PFKP: variants seen among roughly 807,000 people sequenced by gnomAD.
PFKP encodes phosphofructokinase, platelet, also known as ATP-dependent 6-phosphofructokinase, platelet type.
PFKP carries 101 observed loss-of-function variants against 94.3 expected under a neutral mutation model. That is an observed-to-expected ratio of 1.07 (90% CI 0.91 to 1.26). The LOEUF is 1.26. Among genes scored for constraint, PFKP ranks in the 50% most tolerant of loss-of-function variants. PFKP has a pLI of 0.00. For missense variants in PFKP, 1,145 were observed against 1,103.3 expected (o/e 1.04, Z -0.53); for synonymous variants, 573 against 432.6 (o/e 1.32, Z -4.03).
intron 2 of PFKP, among the ~76,000 whole-genome samples, chr10:3,087,604 T>A (rs572177100): frequency 1.3e-5 from 2 of 152,226 alleles, no homozygotes; most frequent in Non-Finnish European, 2.9e-5. Flanking sequence ...CCTTCGAAGC[T>A]GTCTAGGAGC....
At chr10:3,118,692 G>A (rs1304794950) in intron 14 of PFKP, 90 bp from the exon 15 acceptor site, 3 of 826,976 alleles carry the variant, frequency 3.6e-6, no homozygotes, top group South Asian at 3.0e-5. Flanking sequence ...ACAGACTGGG[G>A]AAGGCGGCCG....
intron 1 of PFKP, among the ~76,000 whole-genome samples, chr10:3,072,303 C>G (rs1832256582): frequency 1.3e-5 from 2 of 152,226 alleles, no homozygotes; most frequent in African/African-American, 2.4e-5. Context: ...GTCAATGACA[C>G]ACATATTTAT....
Position 3,133,195 on chromosome 10 carries a change from C to A in PFKP, c.1911-8C>A. ...CTAAACAAAGTGACTCCTTCTCGCT[C>A]GTTTCAGAAATGAGAGCTGCAGTGA... On this transcript the variant is annotated splice_polypyrimidine_tract_variant and splice_region_variant and intron_variant, in intron 18 of 21. Coordinates refer to ENST00000381125, the MANE Select transcript of PFKP (RefSeq NM_002627.5). 2 of 1,606,314 alleles carry A rather than the reference C, an allele frequency of 1.2e-6. No individual in the cohort carries two copies. The highest frequency in any genetic ancestry group is 1.7e-6 in the Non-Finnish European group (2 of 1,172,986).
intron 3 of PFKP, 96 bp from the exon 4 acceptor site, chr10:3,101,269 A>G (rs746218277): frequency 5.8e-6 from 6 of 1,036,084 alleles, no homozygotes; most frequent in African/African-American, 1.6e-5. Context: ...AAAAATGTAA[A>G]TTCTAGCACC....
chr10:3,093,819 A>AT lies in PFKP; in HGVS notation c.187-5451dup, dbSNP rs1834257484. Among the ~76,000 whole-genome samples the AT allele has an allele frequency of 5.3e-5, 8 of 151,840 alleles. No homozygotes were observed. In the South Asian group the frequency reaches 1.7e-3, roughly 32 times the overall value. ...CCACCACACCCGGCTAATTTTTTGT[A>AT]TTTTTAGTAGAGGTGGGGTTTCACC... On this transcript the variant is annotated intron_variant, in intron 2 of 21. Transcript: ENST00000381125.
chr10:3,115,966 C>T (rs529266947), intron 13 of PFKP, among the ~76,000 whole-genome samples: 9 of 152,308 alleles, frequency 5.9e-5, no homozygotes, highest in Non-Finnish European at 8.8e-5. Context: ...CAGCAGGAAC[C>T]GGATGAGGAA....
At chr10:3,089,432 C>A (rs367710184) in intron 2 of PFKP, among the ~76,000 whole-genome samples, 1 of 151,956 alleles carries the variant, frequency 6.6e-6, no homozygotes, top group Non-Finnish European at 1.5e-5. Flanking sequence ...AGGTCTCTTT[C>A]TGCCGATTCC....
At chr10:3,112,138 G>A (rs1836297840) in intron 10 of PFKP, 84 bp from the exon 11 acceptor site, 5 of 1,116,370 alleles carry the variant, frequency 4.5e-6, no homozygotes, top group Non-Finnish European at 4.1e-6. Context: ...CTGGTGGGAA[G>A]GACCGAGCCA....
intron 5 of PFKP, 30 bp downstream of exon 5, chr10:3,103,974 C>T (rs1406277918): frequency 5.6e-6 from 9 of 1,604,692 alleles, no homozygotes; most frequent in African/African-American, 1.3e-5. Flanking sequence ...CGGCGGGAGG[C>T]CAGTGGGGCC....
At position 3,130,263 on chromosome 10, in the gene PFKP, T is replaced by C. The variant is rs2279213; in HGVS notation, c.1848+280T>C. Among the ~76,000 whole-genome samples the C allele has an allele frequency of 5.6e-3, 856 of 152,336 alleles. 5 individuals are homozygous for C. Among genetic ancestry groups the C allele is most frequent in the Middle Eastern group, 0.037 (11 of 294 alleles). On this transcript the variant is annotated intron_variant, in intron 17 of 21. Coordinates refer to ENST00000381125, the MANE Select transcript of PFKP (RefSeq NM_002627.5). ...TGTGTAGTTAATGTTGTCTCACTTA[T>C]GTCACCAATGATTTGAGAACCTCCG...
chr10:3,121,359 AG>A (rs1200176912), intron 16 of PFKP, among the ~76,000 whole-genome samples: 1 of 152,180 alleles, frequency 6.6e-6, no homozygotes, highest in Non-Finnish European at 1.5e-5. Flanking sequence ...CCTCTTTCAC[AG>A]ACTGGATTCC....
At chr10:3,115,277 CCCACGGCGGAGGACAGGACTGGGGATGCT>C (rs1564326773) in intron 13 of PFKP, among the ~76,000 whole-genome samples, 6 of 145,552 alleles carry the variant, frequency 4.1e-5, no homozygotes, top group African/African-American at 5.2e-5. Flanking sequence ...AAGTGTGTGT[CCCACGGCGGAGGACAGGACTGGGGATGCT>C]GGGGTGAAAG....
At chr10:3,082,952 C>T (rs1469970836) in intron 2 of PFKP, among the ~76,000 whole-genome samples, 1 of 152,134 alleles carries the variant, frequency 6.6e-6, no homozygotes, top group African/African-American at 2.4e-5. Context: ...CTCAAGCTAT[C>T]CACCCGCCTT....
At chr10:3,110,076 C>G (rs1836023730) in intron 10 of PFKP, among the ~76,000 whole-genome samples, 1 of 152,166 alleles carries the variant, frequency 6.6e-6, no homozygotes, top group South Asian at 2.1e-4. Flanking sequence ...GATACACCCA[C>G]CCTTCTTGGG....
In PFKP at chr10:3,136,567, C is replaced by T; in HGVS notation, c.2343C>T (p.Pro781=). 4 of 1,613,390 alleles carry T rather than the reference C, an allele frequency of 2.5e-6. No individual in the cohort carries two copies. The highest frequency in any genetic ancestry group is 1.1e-5 in the South Asian group (1 of 90,988). Residue 781 remains proline, a synonymous_variant, in exon 22 of 22, where the codon CCC becomes CCT. Coordinates refer to ENST00000381125, the MANE Select transcript of PFKP (RefSeq NM_002627.5). ...SDSGQLEHVQ[P]WSV Reference sequence around the variant, plus strand: ...CAGGCCAGCTGGAACATGTGCAGCCCTGGAGTGTCTGACCCAGTCCCGCCT... The same window carrying T: ...CAGGCCAGCTGGAACATGTGCAGCCTTGGAGTGTCTGACCCAGTCCCGCCT...
intron 7 of PFKP, among the ~76,000 whole-genome samples, chr10:3,106,482 A>AC (rs1330210811): frequency 1.3e-5 from 2 of 150,866 alleles, no homozygotes; most frequent in South Asian, 4.2e-4. Context: ...TCACACCAGC[A>AC]CCCTCCACCT....
At chr10:3,093,168 C>A (rs1252514812) in intron 2 of PFKP, among the ~76,000 whole-genome samples, 3 of 151,942 alleles carry the variant, frequency 2.0e-5, no homozygotes, top group Non-Finnish European at 2.9e-5. Context: ...CAGCATTGGC[C>A]CTGACTTCTG....
intron 13 of PFKP, among the ~76,000 whole-genome samples, chr10:3,115,174 T>C (rs1158790045): frequency 1.3e-5 from 2 of 152,174 alleles, no homozygotes; most frequent in African/African-American, 2.4e-5. Flanking sequence ...TGAGACACAC[T>C]TCTTGCAGGT....
At position 3,113,143 on chromosome 10, in the gene PFKP, C is replaced by G. The variant is rs1350701099; in HGVS notation, c.1179C>G (p.Thr393=). ...RGRSFAGNLN[T]YKRLAIKLPD... ...GGAGCTTTGCGGGCAACCTGAACACCTACAAGCGACTTGCCATCAAGCTGC... is the reference window on the plus strand; with the variant it reads ...GGAGCTTTGCGGGCAACCTGAACACGTACAAGCGACTTGCCATCAAGCTGC... Residue 393 remains threonine (T), a synonymous_variant, in exon 12 of 22, where the codon ACC becomes ACG. Transcript: ENST00000381125. 1.5e-5 allele frequency: 25 copies of G among 1,613,274 alleles called. No individual in the cohort carries two copies. The highest frequency in any genetic ancestry group is 2.0e-5 in the Non-Finnish European group (24 of 1,179,700).
Sources: allele counts gnomAD v4.1 joint callset (sites outside exome capture counted in the v4.1 genomes callset), GRCh38; gene constraint gnomAD v4.1.1; transcripts MANE v1.5; gene names NCBI Gene and HGNC (gene_info 2026-07-23, HGNC 2026-07-21).